The following ZNF561 variants were observed in gnomAD, a reference collection of about 807,000 sequenced individuals.
ZNF561 encodes zinc finger protein 561.
A neutral mutation model predicts 16.7 loss-of-function variants in ZNF561; 16 were observed. The ratio of observed to expected loss-of-function variants is 0.96; its 90% CI spans 0.65 to 1.45. The LOEUF (loss-of-function observed/expected upper bound fraction) is 1.45, where lower values mean the gene tolerates loss of function less well. Among genes scored for constraint, ZNF561 ranks in the 40% most tolerant of loss-of-function variants. The pLI, the probability that ZNF561 is intolerant of heterozygous loss-of-function variation, is 0.00. For synonymous variants in ZNF561, 190 were observed against 192.1 expected (o/e 0.99, Z 0.09); for missense variants, 580 against 578.0 (o/e 1.00, Z -0.04).
Position 9,619,467 on chromosome 19 carries a change from T to G in ZNF561, c.-11A>C. On this transcript the variant is annotated 5_prime_UTR_variant, in exon 2 of 6. Coordinates refer to ENST00000302851, the MANE Select transcript of ZNF561 (RefSeq NM_152289.3). ...ATAAATGGCTGCCATTCTCTGAAGCTGATGGTGTGATGATGTGCATCCCTT... is the reference window on the plus strand; with the variant it reads ...ATAAATGGCTGCCATTCTCTGAAGCGGATGGTGTGATGATGTGCATCCCTT... The G allele has an allele frequency of 6.2e-7, 1 of 1,612,924 alleles. No homozygotes were observed. The highest frequency in any genetic ancestry group is 8.5e-7 in the Non-Finnish European group (1 of 1,179,274).
At chr19:9,613,838 G>C (rs762904701) in intron 5 of ZNF561, among the ~76,000 whole-genome samples, 183 bp downstream of exon 5, 3 of 152,022 alleles carry the variant, frequency 2.0e-5, no homozygotes, top group Non-Finnish European at 2.9e-5. Context: ...TCAGAGATGG[G>C]ATCTTACTAT....
intron 4 of ZNF561, among the ~76,000 whole-genome samples, chr19:9,614,782 T>C (rs1419542483): frequency 6.6e-6 from 1 of 151,414 alleles, no homozygotes; most frequent in Non-Finnish European, 1.5e-5. Context: ...GTCAAAGATA[T>C]CCAAAACTCT....
chr19:9,618,658 G>A (rs1270106497), intron 2 of ZNF561, among the ~76,000 whole-genome samples: 3 of 152,048 alleles, frequency 2.0e-5, no homozygotes, highest in East Asian at 1.9e-4. Flanking sequence ...CCCAGGAGGC[G>A]GAGCTTGCAG....
Position 9,614,027 on chromosome 19 carries a change from T to C in ZNF561, c.318A>G (p.Ile106Met), listed in dbSNP as rs759245912. 8 of 1,613,576 alleles carry C rather than the reference T, an allele frequency of 5.0e-6. No individual in the cohort carries two copies. The Admixed American group carries it at 1.2e-4, about 24-fold the overall frequency. Reference protein sequence around the residue: ...GFLKNQIFSGIQMTRGYSGWK... With the variant: ...GFLKNQIFSGMQMTRGYSGWK... ...TATCCCTCATGAATCTTACCATTTG[T>C]ATCCCACTGAATATTTGATTCTTCA... Residue 106 changes from isoleucine to methionine, a missense_variant, in exon 5 of 6, where the codon ATA becomes ATG. Transcript: ENST00000302851.
At position 9,610,850 on chromosome 19, in the gene ZNF561, G is replaced by C. The variant is rs1435172275; in HGVS notation, c.811C>G (p.Pro271Ala). Residue 271 changes from proline (P) to alanine (A), a missense_variant, in exon 6 of 6, where the codon CCT becomes GCT. Transcript: ENST00000302851. Reference protein sequence around the residue: ...SFTNFSQLYAPVKTHKGEKSF... With the variant: ...SFTNFSQLYAAVKTHKGEKSF... ...TTCTCTCCTTTATGAGTTTTCACAG[G>C]TGCATAAAGTTGAGAAAAATTAGTG... 1 of 1,614,082 alleles carries C rather than the reference G, an allele frequency of 6.2e-7. No individual in the cohort carries two copies. Among genetic ancestry groups the C allele is most frequent in the South Asian group, 1.1e-5 (1 of 91,082 alleles).
At chr19:9,617,283 C>G in intron 3 of ZNF561, 112 bp from the exon 4 acceptor site, 1 of 1,426,742 alleles carries the variant, frequency 7.0e-7, no homozygotes, top group Non-Finnish European at 9.3e-7. Context: ...TCAGGTCTCC[C>G]ATGATCTACT....
intron 5 of ZNF561, among the ~76,000 whole-genome samples, chr19:9,613,134 T>C (rs1397613335): frequency 6.6e-6 from 1 of 152,160 alleles, no homozygotes; most frequent in Non-Finnish European, 1.5e-5. Context: ...CCTCAATGTC[T>C]AGTTACTTAT....
At position 9,608,374 on chromosome 19, in the gene ZNF561, G is replaced by A. The variant is rs886633075; in HGVS notation, c.*1826C>T. On this transcript the variant is annotated 3_prime_UTR_variant, in exon 6 of 6. Transcript: ENST00000302851. ...TGAGGAAGTGGGCATTTACATACCAGGAAGAGAGCTCTCGCCAGAAGTTGA... is the reference window on the plus strand; with the variant it reads ...TGAGGAAGTGGGCATTTACATACCAAGAAGAGAGCTCTCGCCAGAAGTTGA... 2 of 152,074 alleles carry A rather than the reference G, an allele frequency of 1.3e-5. No individual in the cohort carries two copies. The highest frequency in any genetic ancestry group is 2.9e-5 in the Non-Finnish European group (2 of 68,028). 9.4% of individuals were successfully genotyped at this position (152,074 alleles called of 1,614,324 possible).
intron 1 of ZNF561, among the ~76,000 whole-genome samples, chr19:9,619,877 C>CTATCTATCTATCTATA (rs1555692351): frequency 1.3e-5 from 2 of 148,766 alleles, no homozygotes; most frequent in East Asian, 2.0e-4. Flanking sequence ...CTATCTATAT[C>CTATCTATCTATCTATA]TATCTATCTA....
chr19:9,614,490 C>T (rs906177183), intron 4 of ZNF561, among the ~76,000 whole-genome samples: 3 of 152,136 alleles, frequency 2.0e-5, no homozygotes, highest in African/African-American at 7.2e-5. Flanking sequence ...TGCCTATAAT[C>T]CCAGCTACTT....
At chr19:9,614,152 C>A in intron 4 of ZNF561, 49 bp from the exon 5 acceptor site, 1 of 1,591,238 alleles carries the variant, frequency 6.3e-7, no homozygotes, top group South Asian at 1.1e-5. Context: ...AAGAAATATT[C>A]ATTTAAAATG....
intron 1 of ZNF561, among the ~76,000 whole-genome samples, chr19:9,619,939 T>TATCTATCTATCTATCTATCTATCTATC (rs1374996433): frequency 6.6e-6 from 1 of 151,982 alleles, no homozygotes; most frequent in Admixed American, 6.6e-5. Flanking sequence ...TCTATCTATC[T>TATCTATCTATCTATCTATCTATCTATC]ATCTATCGAG....
intron 1 of ZNF561, among the ~76,000 whole-genome samples, chr19:9,620,302 C>G (rs534149107): frequency 2.0e-4 from 30 of 152,238 alleles, no homozygotes; most frequent in Middle Eastern, 3.4e-3. Flanking sequence ...ATTGGCCAGG[C>G]TGGTCTTGAA....
At chr19:9,612,053 G>T (rs972712706) in intron 5 of ZNF561, among the ~76,000 whole-genome samples, 11 of 152,004 alleles carry the variant, frequency 7.2e-5, no homozygotes, top group African/African-American at 2.7e-4. Context: ...TCAGCCTCCT[G>T]AGTAGCTGGG....
intron 1 of ZNF561, among the ~76,000 whole-genome samples, chr19:9,619,785 T>C (rs1191627877): frequency 1.3e-5 from 2 of 152,184 alleles, no homozygotes; most frequent in Non-Finnish European, 2.9e-5. Flanking sequence ...TAGCTTTATA[T>C]ATACATGCTC....
At position 9,611,201 on chromosome 19, in the gene ZNF561, C is replaced by T. The variant is rs747922231; in HGVS notation, c.460G>A (p.Asp154Asn). The change falls in exon 6 of 6, where the codon GAC (aspartate) becomes AAC (asparagine). Residue 154 changes from aspartate to asparagine, a missense_variant. Asp to Asn is a conservative substitution (Grantham distance 23). Coordinates refer to ENST00000302851, the MANE Select transcript of ZNF561 (RefSeq NM_152289.3). ...NTSEGNCYGK[D>N]TLSVHKEAST... is the part of the protein sequence containing the mutation. The stretch of plus-strand genomic sequence containing the variant: ...GCTTCCTTGTGCACACTGAGGGTGT[C>T]TTTTCCATAACAATTACCCTCAGAA... 6.2e-7 allele frequency: 1 copy of T among 1,613,940 alleles called. No individual in the cohort carries two copies. Among genetic ancestry groups the T allele is most frequent in the East Asian group, 2.2e-5 (1 of 44,860 alleles).
At position 9,617,180 on chromosome 19, in the gene ZNF561, T is replaced by C. The variant is rs772369587; in HGVS notation, c.115-9A>G. On this transcript the variant is annotated splice_polypyrimidine_tract_variant and intron_variant, in intron 3 of 5. Transcript: ENST00000302851. ...TCAAACGTCACTGAATCCTATGTCATCATACACATGCTGGTTTGAGCCAAT... is the reference window on the plus strand; with the variant it reads ...TCAAACGTCACTGAATCCTATGTCACCATACACATGCTGGTTTGAGCCAAT... The C allele has an allele frequency of 9.3e-6, 15 of 1,610,886 alleles. No homozygotes were observed. In the African/African-American group the frequency reaches 1.9e-4, roughly 20 times the overall value.
intron 3 of ZNF561, 37 bp from the exon 4 acceptor site, chr19:9,617,208 A>C: frequency 6.2e-7 from 1 of 1,600,446 alleles, no homozygotes; most frequent in Non-Finnish European, 8.5e-7. Flanking sequence ...GAGCCAATGA[A>C]CACTTCCACC....
At chr19:9,616,599 T>A (rs1273186118) in intron 4 of ZNF561, among the ~76,000 whole-genome samples, 1 of 145,088 alleles carries the variant, frequency 6.9e-6, no homozygotes, top group Non-Finnish European at 1.5e-5. Context: ...ATTTTTAGGA[T>A]TTTTTTTTTT....
Sources: gnomAD v4.1 joint callset for allele counts (sites outside exome capture counted in the v4.1 genomes callset) on GRCh38, gnomAD v4.1.1 for gene constraint, MANE v1.5 for transcripts, NCBI Gene and HGNC (gene_info 2026-07-23, HGNC 2026-07-21) for gene names.